The following MED13L variants were observed in gnomAD, a reference collection of about 807,000 sequenced individuals.
MED13L encodes the protein mediator complex subunit 13L.
Under a neutral mutation model 220.9 loss-of-function variants are expected in MED13L, and 7 were observed. That is an observed-to-expected ratio of 0.03 (90% CI 0.02 to 0.06). The LOEUF (loss-of-function observed/expected upper bound fraction) is 0.06. Ranked by LOEUF, MED13L falls within the 10% of genes least tolerant of loss-of-function variation. The pLI, the probability that MED13L is intolerant of heterozygous loss-of-function variation, is 1.00. For missense variants in MED13L, 1,965 were observed against 2,760.5 expected (o/e 0.71, Z 6.46); for synonymous variants, 1,011 against 1,015.2 (o/e 1.00, Z 0.08).
chr12:116,013,324 G>T (rs1168985744), intron 8 of MED13L, among the ~76,000 whole-genome samples: 1 of 152,196 alleles, frequency 6.6e-6, no homozygotes, highest in Admixed American at 6.5e-5. Context: ...TGATGGTGAT[G>T]CCAAACAATC....
intron 2 of MED13L, among the ~76,000 whole-genome samples, chr12:116,141,473 A>C (rs1479914821): frequency 2.0e-5 from 3 of 152,198 alleles, no homozygotes; most frequent in African/African-American, 4.8e-5. Context: ...TTGTATCCAG[A>C]TTTTTAAAAT....
intron 4 of MED13L, among the ~76,000 whole-genome samples, chr12:116,030,381 C>T (rs1880665296): frequency 6.6e-6 from 1 of 151,940 alleles, no homozygotes; most frequent in Non-Finnish European, 1.5e-5. Context: ...ATGGAAATCA[C>T]AAAATATTTA....
intron 4 of MED13L, among the ~76,000 whole-genome samples, chr12:116,058,767 G>A (rs1235391722): frequency 6.6e-6 from 1 of 152,110 alleles, no homozygotes; most frequent in Non-Finnish European, 1.5e-5. Context: ...AGTAGACGGT[G>A]GTTTATGGAC....
At chr12:115,984,156 T>C in intron 20 of MED13L, 24 bp downstream of exon 20, 1 of 1,611,092 alleles carries the variant, frequency 6.2e-7, no homozygotes, top group Non-Finnish European at 8.5e-7. Flanking sequence ...CCAATTCTAC[T>C]TTGCCAAATA....
At position 116,260,022 on chromosome 12, in the gene MED13L, T is replaced by C. The variant is rs1480061461; in HGVS notation, c.72+17038A>G. On this transcript the variant is annotated intron_variant, in intron 1 of 30. Transcript: ENST00000281928. Reference sequence around the variant, plus strand: ...CACATTAACAAGAACAGAAGAAGAATTGGGGTAAATCTGATCTAATGGAGC... The same window carrying C: ...CACATTAACAAGAACAGAAGAAGAACTGGGGTAAATCTGATCTAATGGAGC... 2.0e-5 allele frequency among the ~76,000 whole-genome samples: 3 copies of C among 152,072 alleles called. No individual in the cohort carries two copies. In the South Asian group the frequency reaches 6.3e-4, roughly 32 times the overall value.
intron 3 of MED13L, among the ~76,000 whole-genome samples, chr12:116,104,027 T>TTTTTTTTTTTTTTG (rs1873333304): frequency 8.7e-6 from 1 of 114,420 alleles, no homozygotes; most frequent in Non-Finnish European, 1.7e-5. Flanking sequence ...TTTTTTTTTT[T>TTTTTTTTTTTTTTG]GAGACGGAGT....
rs1288217759 is a variant in MED13L at position 116,133,081 on chromosome 12, A to G, written c.311-21569T>C. On this transcript the variant is annotated intron_variant, in intron 2 of 30. Coordinates refer to ENST00000281928, the MANE Select transcript of MED13L (RefSeq NM_015335.5). ...ATAAGTTTGATTTACTACTGATAAC[A>G]CCAGGCATAAAGAGAAGAATCTTTG... is the stretch of plus-strand genomic sequence containing the variant. Among the ~76,000 whole-genome samples, 3 of 152,232 alleles carry G rather than the reference A, an allele frequency of 2.0e-5. No individual in the cohort carries two copies. The South Asian group carries it at 6.2e-4, about 32-fold the overall frequency.
chr12:115,995,277 CT>C (rs1878326872), intron 16 of MED13L, among the ~76,000 whole-genome samples: 1 of 152,202 alleles, frequency 6.6e-6, no homozygotes, highest in African/African-American at 2.4e-5. Flanking sequence ...AGTACCAACT[CT>C]TTTGCATTTA....
intron 4 of MED13L, among the ~76,000 whole-genome samples, chr12:116,025,842 C>G (rs1459469525): frequency 6.6e-6 from 1 of 152,102 alleles, no homozygotes; most frequent in Non-Finnish European, 1.5e-5. Context: ...TATCTCAAAA[C>G]AGGTAAAACA....
Position 115,985,184 on chromosome 12 carries a change from T to C in MED13L, c.4339-812A>G, listed in dbSNP as rs371063604. Among the ~76,000 whole-genome samples, 14 of 152,334 alleles carry C rather than the reference T, an allele frequency of 9.2e-5. No individual in the cohort carries two copies. In the South Asian group the frequency reaches 1.4e-3, roughly 16 times the overall value. On this transcript the variant is annotated intron_variant, in intron 19 of 30. Coordinates refer to ENST00000281928, the MANE Select transcript of MED13L (RefSeq NM_015335.5). ...CTTAAAAAGATCTGGCAGTGCTTTT[T>C]ACATTTTGTAACTTATGTTGAAGGT...
intron 1 of MED13L, among the ~76,000 whole-genome samples, chr12:116,267,450 T>TA (rs1872916112): frequency 6.6e-6 from 1 of 152,214 alleles, no homozygotes; most frequent in Non-Finnish European, 1.5e-5. Flanking sequence ...GGCTACTCTA[T>TA]AACTTTAGTT....
chr12:116,097,406 A>G (rs555573483), intron 3 of MED13L, among the ~76,000 whole-genome samples: 23 of 152,182 alleles, frequency 1.5e-4, no homozygotes, highest in Non-Finnish European at 2.9e-4. Context: ...TCAGCCTCCC[A>G]AAGTGCTGGG....
At chr12:115,972,498 G>A in intron 25 of MED13L, 1 of 451,176 alleles carries the variant, frequency 2.2e-6, no homozygotes, top group Non-Finnish European at 4.1e-6. Context: ...CACTAATCCA[G>A]TCTAATCTAC....
At chr12:116,103,389 A>G (rs2137852929) in intron 3 of MED13L, among the ~76,000 whole-genome samples, 1 of 152,288 alleles carries the variant, frequency 6.6e-6, no homozygotes, top group South Asian at 2.1e-4. Flanking sequence ...AATAGCTGGG[A>G]CTACAAGTGC....
chr12:116,258,883 G>A (rs1034316167), intron 1 of MED13L, among the ~76,000 whole-genome samples: 4 of 146,644 alleles, frequency 2.7e-5, no homozygotes, highest in Admixed American at 1.4e-4. Flanking sequence ...ATAATCTCAC[G>A]AGAAATCCAA....
intron 2 of MED13L, among the ~76,000 whole-genome samples, chr12:116,179,328 G>A (rs1593134918): frequency 6.6e-6 from 1 of 151,454 alleles, no homozygotes; most frequent in East Asian, 1.9e-4. Context: ...ATAAAATCTG[G>A]GCCAGGCACG....
chr12:116,009,663 T>C (rs1879273240), intron 9 of MED13L, among the ~76,000 whole-genome samples: 1 of 152,196 alleles, frequency 6.6e-6, no homozygotes, highest in South Asian at 2.1e-4. Context: ...TTTAATAGGA[T>C]AAATATACTA....
chr12:116,150,156 G>C (rs1472537923), intron 2 of MED13L, among the ~76,000 whole-genome samples: 3 of 152,214 alleles, frequency 2.0e-5, no homozygotes, highest in Non-Finnish European at 4.4e-5. Context: ...AGCTGACGCT[G>C]AGATCGCTGT....
rs1172728035 is a variant in MED13L, at chr12:115,958,860, T to C, written c.*2406A>G. On this transcript the variant is annotated 3_prime_UTR_variant, in exon 31 of 31. Transcript: ENST00000281928. ...AAAGAAATTCAGAACTTCCCAGAAA[T>C]GTACAGCTTTTACATTTAAAAAAGG... 1.3e-5 allele frequency: 2 copies of C among 152,568 alleles called. No individual in the cohort carries two copies. Among genetic ancestry groups the C allele is most frequent in the East Asian group, 1.9e-4 (1 of 5,188 alleles). 9.5% of individuals were successfully genotyped at this position (152,568 alleles called of 1,614,324 possible).
Sources: gnomAD v4.1 joint callset for allele counts (sites outside exome capture counted in the v4.1 genomes callset) on GRCh38, gnomAD v4.1.1 for gene constraint, MANE v1.5 for transcripts, NCBI Gene and HGNC (gene_info 2026-07-23, HGNC 2026-07-21) for gene names.